The following SLC16A12 variants were observed in gnomAD, a reference collection of about 807,000 sequenced individuals.
SLC16A12 encodes solute carrier family 16 member 12.
Under a neutral mutation model 42.4 loss-of-function variants are expected in SLC16A12, and 17 were observed. That is an observed-to-expected ratio of 0.40 (90% confidence interval 0.27 to 0.60). SLC16A12 has a LOEUF of 0.60. Among genes scored for constraint, SLC16A12 ranks in the 20% least tolerant of loss-of-function variants. The pLI is 0.42. For synonymous variants in SLC16A12, 224 were observed against 229.4 expected, an observed-to-expected ratio of 0.98 and a Z score of 0.21; for missense variants, 544 against 623.0, an observed-to-expected ratio of 0.87 and a Z score of 1.35.
At chr10:89,547,512 G>T (rs1843748530) in intron 2 of SLC16A12, among the ~76,000 whole-genome samples, 1 of 152,102 alleles carries the variant, frequency 6.6e-6, no homozygotes, top group Non-Finnish European at 1.5e-5. Context: ...GGTGTTTTAA[G>T]ACATGGTTCC....
intron 2 of SLC16A12, among the ~76,000 whole-genome samples, chr10:89,517,887 T>A (rs1843281439): frequency 6.6e-6 from 1 of 151,950 alleles, no homozygotes; most frequent in South Asian, 2.1e-4. Context: ...AAAGGAAAAA[T>A]TAAGAAACAC....
intron 2 of SLC16A12, among the ~76,000 whole-genome samples, chr10:89,476,468 C>G (rs2133778006): frequency 6.6e-6 from 1 of 152,240 alleles, no homozygotes; most frequent in East Asian, 1.9e-4. Context: ...GTTCTGCACT[C>G]AGAGTGTGAG....
intron 2 of SLC16A12, among the ~76,000 whole-genome samples, chr10:89,519,361 C>A (rs1470381138): frequency 1.3e-5 from 2 of 152,042 alleles, no homozygotes; most frequent in African/African-American, 4.8e-5. Flanking sequence ...ATCCCCTAAA[C>A]CTAAAACAAA....
At chr10:89,495,127 G>A (rs1842905531) in intron 2 of SLC16A12, among the ~76,000 whole-genome samples, 1 of 152,172 alleles carries the variant, frequency 6.6e-6, no homozygotes, top group Non-Finnish European at 1.5e-5. Context: ...GAGGTGGGCA[G>A]ATCACCTGAG....
chr10:89,469,149 T>TTTACTAATCAGCCTCCAATTCATA, intron 2 of SLC16A12, among the ~76,000 whole-genome samples: 1 of 152,148 alleles, frequency 6.6e-6, no homozygotes, highest in African/African-American at 2.4e-5. Context: ...AACTCTTCAT[T>TTTACTAATCAGCCTCCAATTCATA]TTACTAATCA....
At chr10:89,524,137 G>A (rs1171222340) in intron 2 of SLC16A12, among the ~76,000 whole-genome samples, 1 of 152,026 alleles carries the variant, frequency 6.6e-6, no homozygotes, top group East Asian at 1.9e-4. Context: ...CAAGCAACAG[G>A]AATATAAAAA....
intron 2 of SLC16A12, among the ~76,000 whole-genome samples, chr10:89,497,740 G>GA (rs34547324): frequency 0.54 from 81,312 of 150,324 alleles, 22,406 homozygotes; most frequent in African/African-American, 0.63. Context: ...TCAGAAAGAG[G>GA]AAAAAAAAAC....
At chr10:89,529,736 C>T (rs1299511031) in intron 2 of SLC16A12, among the ~76,000 whole-genome samples, 1 of 151,876 alleles carries the variant, frequency 6.6e-6, no homozygotes, top group Non-Finnish European at 1.5e-5. Flanking sequence ...TTAGTAGAGA[C>T]GGGGTTTCGC....
chr10:89,473,017 C>G lies in SLC16A12; in HGVS notation c.-46-10393G>C, dbSNP rs536488056. ...ATTTTTTTGTAGAGATGAGGTTTCA[C>G]TATGTTTCTCAGGCTGGTCTCAAAC... On this transcript the variant is annotated intron_variant, in intron 2 of 7. Coordinates refer to ENST00000371790, the MANE Select transcript of SLC16A12 (RefSeq NM_213606.4). Among the ~76,000 whole-genome samples the G allele has an allele frequency of 1.2e-4, 18 of 151,770 alleles. No homozygotes were observed. In the South Asian group the frequency reaches 3.5e-3, roughly 30 times the overall value.
At chr10:89,555,700 T>TAC (rs909227382) in intron 2 of SLC16A12, among the ~76,000 whole-genome samples, 3 of 57,648 alleles carry the variant, frequency 5.2e-5, no homozygotes, top group South Asian at 5.5e-4. Context: ...CATATATACA[T>TAC]ATATATATAT....
At chr10:89,554,998 C>T (rs1185259840) in intron 2 of SLC16A12, among the ~76,000 whole-genome samples, 1 of 152,134 alleles carries the variant, frequency 6.6e-6, no homozygotes, top group Non-Finnish European at 1.5e-5. Flanking sequence ...ACTGGTTGTC[C>T]ATACCTAACC....
At chr10:89,519,579 A>G (rs996609776) in intron 2 of SLC16A12, among the ~76,000 whole-genome samples, 2 of 152,058 alleles carry the variant, frequency 1.3e-5, no homozygotes, top group African/African-American at 4.8e-5. Context: ...CTTGAGAGGG[A>G]ACTCACACCA....
At chr10:89,555,220 CTG>C (rs1843802309) in intron 2 of SLC16A12, among the ~76,000 whole-genome samples, 1 of 151,202 alleles carries the variant, frequency 6.6e-6, no homozygotes, top group African/African-American at 2.4e-5. Flanking sequence ...ATTGCTGAGG[CTG>C]AACTCAAATT....
chr10:89,536,547 G>A (rs2133879511), upstream of SLC16A12, among the ~76,000 whole-genome samples: 1 of 152,040 alleles, frequency 6.6e-6, no homozygotes, highest in East Asian at 1.9e-4. Flanking sequence ...AAAGGGAGCT[G>A]CCAGGACGTA....
At chr10:89,437,218 C>G (rs1417122339) in intron 6 of SLC16A12, among the ~76,000 whole-genome samples, 2 of 152,198 alleles carry the variant, frequency 1.3e-5, no homozygotes, top group Non-Finnish European at 2.9e-5. Context: ...AGGTCTTGGA[C>G]TAGGATGAAG....
chr10:89,453,328 T>C (rs1420930039), intron 3 of SLC16A12, among the ~76,000 whole-genome samples: 1 of 152,210 alleles, frequency 6.6e-6, no homozygotes, highest in Non-Finnish European at 1.5e-5. Context: ...TACTAAAAAG[T>C]TTATTATTTT....
At chr10:89,433,830 T>G (rs552920903) in intron 7 of SLC16A12, among the ~76,000 whole-genome samples, 1 of 152,346 alleles carries the variant, frequency 6.6e-6, no homozygotes, top group Admixed American at 6.5e-5. Context: ...CTTTCAGCTA[T>G]TTTAGCAGTT....
At chr10:89,502,523 C>T (rs756824396) in intron 2 of SLC16A12, among the ~76,000 whole-genome samples, 44 of 152,256 alleles carry the variant, frequency 2.9e-4, no homozygotes, top group Middle Eastern at 3.4e-3. Flanking sequence ...ATCTTGCATG[C>T]ATTCACCTAC....
At chr10:89,497,251 A>C (rs936841785) in intron 2 of SLC16A12, among the ~76,000 whole-genome samples, 3 of 152,188 alleles carry the variant, frequency 2.0e-5, no homozygotes, top group Admixed American at 2.0e-4. Context: ...TCTATTAATT[A>C]AACACATATA....
Sources: allele counts gnomAD v4.1 joint callset (sites outside exome capture counted in the v4.1 genomes callset), GRCh38; gene constraint gnomAD v4.1.1; transcripts MANE v1.5; gene names NCBI Gene and HGNC (gene_info 2026-07-23, HGNC 2026-07-21).